DISC1: variants seen among roughly 807,000 people sequenced by gnomAD.
DISC1 encodes the protein DISC1 scaffold protein.
In DISC1, 57 loss-of-function variants were observed where a neutral mutation model predicts 84.5. The observed-to-expected ratio is 0.67, with a 90% CI of 0.55 to 0.84. The LOEUF is 0.84. Ranked by LOEUF, DISC1 falls within the 40% of genes least tolerant of loss-of-function variation. The pLI is 0.00. For synonymous variants in DISC1, 411 were observed against 415.2 expected (o/e 0.99, Z 0.12); for missense variants, 1,000 against 1,057.8 (o/e 0.95, Z 0.76).
At position 231,636,382 on chromosome 1, in the gene DISC1, T is replaced by C. The variant is rs527595287; in HGVS notation, c.67+9448T>C. Among the ~76,000 whole-genome samples, 18 of 152,278 alleles carry C rather than the reference T, an allele frequency of 1.2e-4. No individual in the cohort carries two copies. The South Asian group carries it at 3.7e-3, about 32-fold the overall frequency. On this transcript the variant is annotated intron_variant, in intron 1 of 12. Transcript: ENST00000439617. ...ACTCATTGGCCCAGAACTCATGATCTCATCTCTCACCCAGCTGGCTAATCG... is the reference window on the plus strand; with the variant it reads ...ACTCATTGGCCCAGAACTCATGATCCCATCTCTCACCCAGCTGGCTAATCG...
chr1:231,688,353 GTCCT>G, intron 1 of DISC1, among the ~76,000 whole-genome samples: 1 of 152,174 alleles, frequency 6.6e-6, no homozygotes, highest in Non-Finnish European at 1.5e-5. Flanking sequence ...ATGTAACCCT[GTCCT>G]TCCTTAGTGC....
intron 10 of DISC1, among the ~76,000 whole-genome samples, chr1:232,003,507 A>T (rs913291067): frequency 2.0e-5 from 3 of 152,166 alleles, no homozygotes; most frequent in Non-Finnish European, 4.4e-5. Flanking sequence ...AAGAATCAAG[A>T]ATTATAGTTG....
chr1:231,720,461 C>T (rs2069506124), intron 3 of DISC1, among the ~76,000 whole-genome samples: 2 of 152,144 alleles, frequency 1.3e-5, no homozygotes, highest in Admixed American at 1.3e-4. Flanking sequence ...GCCTCAGCCT[C>T]TCAAGAAGCT....
At position 231,694,442 on chromosome 1, in the gene DISC1, C is replaced by A. The variant is rs774376929; in HGVS notation, c.684C>A (p.Gly228=). ...GSAGERGEAE[G]CPPSREAESH... ...CCGGGGAACGTGGAGAAGCAGAAGG[C>A]TGCCCACCATCCAGAGAGGCTGAGT... The change falls in exon 2 of 13, where the codon GGC becomes GGA. Residue 228 remains glycine, a synonymous_variant. Coordinates refer to ENST00000439617, the MANE Select transcript of DISC1 (RefSeq NM_018662.3). 1 of 1,614,282 alleles carries A rather than the reference C, an allele frequency of 6.2e-7. No individual in the cohort carries two copies. Among genetic ancestry groups the A allele is most frequent in the South Asian group, 1.1e-5 (1 of 91,090 alleles).
intron 1 of DISC1, among the ~76,000 whole-genome samples, chr1:231,627,859 A>G (rs1212476419): frequency 1.3e-5 from 2 of 152,180 alleles, no homozygotes; most frequent in Non-Finnish European, 1.5e-5. Flanking sequence ...GTTATCATCA[A>G]CTGGACAAAT....
chr1:231,973,111 A>T (rs1413442451), intron 10 of DISC1, among the ~76,000 whole-genome samples: 1 of 150,186 alleles, frequency 6.7e-6, no homozygotes, highest in Non-Finnish European at 1.5e-5. Context: ...CAGTGGTGTA[A>T]TCTCAGCTCA....
intron 1 of DISC1, among the ~76,000 whole-genome samples, chr1:231,659,943 A>G (rs1012366018): frequency 6.6e-6 from 1 of 152,176 alleles, no homozygotes; most frequent in African/African-American, 2.4e-5. Context: ...GAGAATGTAT[A>G]TTCTGCTGTT....
intron 2 of DISC1, among the ~76,000 whole-genome samples, chr1:231,697,107 G>A (rs994587256): frequency 2.0e-5 from 3 of 152,206 alleles, no homozygotes; most frequent in Admixed American, 6.5e-5. Context: ...GTTTTCCCAT[G>A]GTGCTTACAC....
At chr1:231,892,897 C>T (rs2087356728) in intron 9 of DISC1, among the ~76,000 whole-genome samples, 1 of 152,106 alleles carries the variant, frequency 6.6e-6, no homozygotes, top group Non-Finnish European at 1.5e-5. Flanking sequence ...TATAGTGGCT[C>T]ATACCTGTAA....
chr1:231,864,612 A>G (rs938207859), intron 9 of DISC1, among the ~76,000 whole-genome samples: 6 of 152,154 alleles, frequency 3.9e-5, no homozygotes, highest in African/African-American at 1.4e-4. Context: ...GCAGTGAGCC[A>G]AGATCGCACC....
intron 9 of DISC1, among the ~76,000 whole-genome samples, chr1:231,931,009 C>A (rs1214055652): frequency 6.6e-6 from 1 of 152,184 alleles, no homozygotes; most frequent in Non-Finnish European, 1.5e-5. Flanking sequence ...CAAGGCTGGG[C>A]ATGTCCTTCT....
chr1:231,733,465 G>A (rs186556467), intron 3 of DISC1, among the ~76,000 whole-genome samples: 5 of 151,716 alleles, frequency 3.3e-5, no homozygotes, highest in East Asian at 1.9e-4. Flanking sequence ...AGAAGTGGTG[G>A]TGATGGTAGG....
chr1:231,963,368 T>C (rs911935268), intron 10 of DISC1, among the ~76,000 whole-genome samples: 1 of 152,192 alleles, frequency 6.6e-6, no homozygotes, highest in South Asian at 2.1e-4. Context: ...ATTTTTGACC[T>C]AGAAAAATGA....
chr1:231,671,973 A>G (rs1413854770), intron 1 of DISC1, among the ~76,000 whole-genome samples: 1 of 152,202 alleles, frequency 6.6e-6, no homozygotes, highest in Non-Finnish European at 1.5e-5. Flanking sequence ...TTTCTCAATC[A>G]CTTTGCTCAT....
At chr1:232,035,901 A>G (rs570658190) in intron 12 of DISC1, among the ~76,000 whole-genome samples, 1 of 152,200 alleles carries the variant, frequency 6.6e-6, no homozygotes, top group Non-Finnish European at 1.5e-5. Flanking sequence ...AGCCTTATCT[A>G]TTACTGTTTG....
At chr1:231,806,799 A>G (rs889863276) in intron 8 of DISC1, among the ~76,000 whole-genome samples, 3 of 152,266 alleles carry the variant, frequency 2.0e-5, no homozygotes, top group East Asian at 1.9e-4. Flanking sequence ...CCCTCTGCCC[A>G]GGACTTGATG....
intron 6 of DISC1, among the ~76,000 whole-genome samples, chr1:231,785,249 G>GAT: frequency 1.9e-5 from 1 of 53,170 alleles, no homozygotes; most frequent in Non-Finnish European, 4.2e-5. Context: ...GTGTGTGTGT[G>GAT]TGTGTTATTT....
intron 12 of DISC1, among the ~76,000 whole-genome samples, chr1:232,034,898 A>T (rs1670372460): frequency 1.4e-5 from 1 of 71,910 alleles, no homozygotes; most frequent in Non-Finnish European, 2.7e-5. Flanking sequence ...AAAGCCTCTT[A>T]AAAAAAAAAA....
intron 10 of DISC1, among the ~76,000 whole-genome samples, chr1:231,994,405 A>G (rs537952123): frequency 2.5e-3 from 375 of 152,328 alleles, no homozygotes; most frequent in Middle Eastern, 6.8e-3. Context: ...TTGCCTTGGA[A>G]GTTAGATGGC....
Sources: gnomAD v4.1 joint callset for allele counts (sites outside exome capture counted in the v4.1 genomes callset) on GRCh38, gnomAD v4.1.1 for gene constraint, MANE v1.5 for transcripts, NCBI Gene and HGNC (gene_info 2026-07-23, HGNC 2026-07-21) for gene names.